The following PSMF1 variants were observed in gnomAD, a reference collection of about 807,000 sequenced individuals.
PSMF1 encodes the protein proteasome inhibitor subunit 1.
Under a neutral mutation model 29.3 loss-of-function variants are expected in PSMF1, and 30 were observed. The observed-to-expected ratio is 1.02, with a 90% CI of 0.77 to 1.39. PSMF1 has a LOEUF of 1.39. Ranked by LOEUF, PSMF1 falls within the 40% of genes most tolerant of loss-of-function variation. PSMF1 has a pLI of 0.00. For synonymous variants in PSMF1, 134 were observed against 139.7 expected (o/e 0.96, Z 0.29); for missense variants, 344 against 357.5 (o/e 0.96, Z 0.31).
At chr20:1,152,084 C>G (rs1185546010) in intron 4 of PSMF1, among the ~76,000 whole-genome samples, 1 of 151,286 alleles carries the variant, frequency 6.6e-6, no homozygotes, top group Non-Finnish European at 1.5e-5. Context: ...TTTTTTTTTC[C>G]TCTTGAAGAA....
At chr20:1,134,805 T>C in intron 3 of PSMF1, 1 of 411,340 alleles carries the variant, frequency 2.4e-6, no homozygotes, top group South Asian at 2.1e-5. Context: ...GAGGGAGGGG[T>C]GAGGCGGGTG....
chr20:1,163,291 G>A lies in PSMF1; in HGVS notation c.605+108G>A. The A allele has an allele frequency of 7.9e-7, 1 of 1,262,892 alleles. No individual in the cohort carries two copies. The highest frequency in any genetic ancestry group is 2.5e-5 in the East Asian group (1 of 40,404). The allele number at this position is 1,262,892 out of a possible 1,614,324, so 78.2% of individuals were successfully genotyped here. On this transcript the variant is annotated intron_variant, in intron 5 of 6. Transcript: ENST00000335877. This position sits in a 1 kb window ranked among gnomAD's most constrained non-coding sequence, Gnocchi z 6.1. ...TTCGGTCAGTCTCTTCCTTTGGGGT[G>A]GAGGAGGCAGTTGTTGCTGAGCAGC... is the stretch of plus-strand genomic sequence containing the variant.
chr20:1,159,617 T>G (rs1304768770), intron 4 of PSMF1, among the ~76,000 whole-genome samples: 2 of 152,222 alleles, frequency 1.3e-5, no homozygotes, highest in African/African-American at 4.8e-5. Context: ...TGTTTGCCAC[T>G]CTGGGCGGGG....
At chr20:1,150,785 A>G (rs1332345057) in intron 4 of PSMF1, among the ~76,000 whole-genome samples, 1 of 152,016 alleles carries the variant, frequency 6.6e-6, no homozygotes, top group Non-Finnish European at 1.5e-5. Flanking sequence ...CTAGCTTATC[A>G]GTGCTTTTCC....
At chr20:1,161,322 G>T in intron 4 of PSMF1, 1 of 324,066 alleles carries the variant, frequency 3.1e-6, no homozygotes, top group South Asian at 5.2e-5. Flanking sequence ...GATCACCATT[G>T]GCAACATGCA....
intron 4 of PSMF1, among the ~76,000 whole-genome samples, chr20:1,146,418 A>G (rs1295981222): frequency 1.3e-5 from 2 of 152,018 alleles, no homozygotes; most frequent in Non-Finnish European, 2.9e-5. Flanking sequence ...CTGGAATCCT[A>G]GCATATACCA....
At chr20:1,127,189 T>C in intron 2 of PSMF1, 2 of 678,042 alleles carry the variant, frequency 2.9e-6, no homozygotes, top group African/African-American at 1.8e-5. Context: ...GCCTGAGCCC[T>C]TTTGCAAAAG....
intron 4 of PSMF1, among the ~76,000 whole-genome samples, chr20:1,144,428 T>G (rs926374788): frequency 6.6e-6 from 1 of 152,172 alleles, no homozygotes; most frequent in African/African-American, 2.4e-5. Flanking sequence ...CTCCTGAACA[T>G]TTATCTCAGA....
At chr20:1,156,110 G>T (rs868074250) in intron 4 of PSMF1, among the ~76,000 whole-genome samples, 2 of 152,168 alleles carry the variant, frequency 1.3e-5, no homozygotes, top group African/African-American at 4.8e-5. Context: ...TTTTAGCACT[G>T]AAAAATACTG....
At chr20:1,137,212 G>C (rs2086318090) in intron 4 of PSMF1, among the ~76,000 whole-genome samples, 1 of 152,188 alleles carries the variant, frequency 6.6e-6, no homozygotes, top group Non-Finnish European at 1.5e-5. Flanking sequence ...GTAGAGTATA[G>C]AATTGTGAAA....
chr20:1,160,672 TG>T, intron 4 of PSMF1: 1 of 503,588 alleles, frequency 2.0e-6, no homozygotes, highest in Non-Finnish European at 4.0e-6. Context: ...CCTGGAACCA[TG>T]TTTCCCTCCA....
intron 3 of PSMF1, among the ~76,000 whole-genome samples, chr20:1,131,026 ATGCTG>A (rs2086221937): frequency 6.6e-6 from 1 of 152,030 alleles, no homozygotes; most frequent in Admixed American, 6.5e-5. Context: ...GGCCGGCAGA[ATGCTG>A]CGCCTCTGAG....
At chr20:1,133,555 G>GTATATATATATATATATATATATATATA (rs1311800612) in intron 3 of PSMF1, among the ~76,000 whole-genome samples, 3 of 53,970 alleles carry the variant, frequency 5.6e-5, no homozygotes, top group African/African-American at 1.9e-4. Flanking sequence ...CTATATATGT[G>GTATATATATATATATATATATATATATA]TATATATATA....
intron 4 of PSMF1, among the ~76,000 whole-genome samples, chr20:1,149,391 G>C (rs969804576): frequency 6.6e-6 from 1 of 152,144 alleles, no homozygotes; most frequent in Non-Finnish European, 1.5e-5. Context: ...GTAGAAGATC[G>C]TGTATTTTGG....
chr20:1,131,081 G>A (rs570736816), intron 3 of PSMF1, among the ~76,000 whole-genome samples: 7 of 152,300 alleles, frequency 4.6e-5, no homozygotes, highest in Non-Finnish European at 8.8e-5. Flanking sequence ...GCAGAATGCC[G>A]CGCCTCTGGG....
At chr20:1,148,271 T>C (rs987386029) in intron 4 of PSMF1, among the ~76,000 whole-genome samples, 1 of 152,198 alleles carries the variant, frequency 6.6e-6, no homozygotes, top group African/African-American at 2.4e-5. Context: ...TTTCTACTCC[T>C]GAGAAGTCTA....
At position 1,118,904 on chromosome 20, in the gene PSMF1, T is replaced by C; in HGVS notation, c.129+2T>C. 5.0e-6 allele frequency: 8 copies of C among 1,613,906 alleles called. No homozygotes were observed. Among genetic ancestry groups the C allele is most frequent in the Non-Finnish European group, 5.9e-6 (7 of 1,179,898 alleles). On this transcript the variant is annotated splice_donor_variant, in intron 1 of 6. Coordinates refer to ENST00000335877, the MANE Select transcript of PSMF1 (RefSeq NM_006814.5). LOFTEE classifies it high-confidence loss of function. ...TTCGGCTTGGGTGTCGGTGACCAGGTACGCCACGGAGCCGGCCAGGGTGGA... is the reference window on the plus strand; with the variant it reads ...TTCGGCTTGGGTGTCGGTGACCAGGCACGCCACGGAGCCGGCCAGGGTGGA...
rs2086744372 is a variant in PSMF1, at chr20:1,167,430, T to C, written c.*2350T>C. ...TTCAGTGGATTTAGTATGTTCACAG[T>C]GTTGCACATCCACCACCATTTCTAA... On this transcript the variant is annotated 3_prime_UTR_variant, in exon 7 of 7. Coordinates refer to ENST00000335877, the MANE Select transcript of PSMF1 (RefSeq NM_006814.5). 1 of 152,292 alleles carries C rather than the reference T, an allele frequency of 6.6e-6. No individual in the cohort carries two copies. The highest frequency in any genetic ancestry group is 2.1e-4 in the South Asian group (1 of 4,836). 9.4% of individuals were successfully genotyped at this position (152,292 alleles called of 1,614,324 possible). A position where few individuals can be genotyped will look rare whatever the true frequency, so the allele number is the denominator to read the frequency against.
chr20:1,156,039 G>T (rs2122585404), intron 4 of PSMF1, among the ~76,000 whole-genome samples: 1 of 152,302 alleles, frequency 6.6e-6, no homozygotes, highest in South Asian at 2.1e-4. Context: ...GTCTTGAAAT[G>T]AATGGAATGA....
Sources: allele counts gnomAD v4.1 joint callset (sites outside exome capture counted in the v4.1 genomes callset), GRCh38; gene constraint gnomAD v4.1.1; non-coding constraint Gnocchi (gnomAD v3.1); transcripts MANE v1.5; gene names NCBI Gene and HGNC (gene_info 2026-07-23, HGNC 2026-07-21).